The following OPCML variants were observed in gnomAD, a reference collection of about 807,000 sequenced individuals.
OPCML encodes the protein opioid-binding protein/cell adhesion molecule.
Under a neutral mutation model 37.8 loss-of-function variants are expected in OPCML, and 13 were observed. That is an observed-to-expected ratio of 0.34 (90% CI 0.22 to 0.55). The LOEUF (loss-of-function observed/expected upper bound fraction) is 0.55, where lower values mean the gene tolerates loss of function less well. Among genes scored for constraint, OPCML ranks in the 20% least tolerant of loss-of-function variants. OPCML has a pLI of 0.91. For synonymous variants in OPCML, 176 were observed against 168.8 expected (o/e 1.04, Z -0.33); for missense variants, 341 against 435.6 (o/e 0.78, Z 1.93).
intron 4 of OPCML, among the ~76,000 whole-genome samples, chr11:132,503,625 TATCTC>T (rs2096250355): frequency 6.6e-6 from 1 of 152,200 alleles, no homozygotes; most frequent in East Asian, 1.9e-4. Flanking sequence ...TTATTTATAA[TATCTC>T]AATAAGTGAG....
intron 1 of OPCML, among the ~76,000 whole-genome samples, chr11:133,018,307 A>G (rs1052110143): frequency 6.6e-6 from 1 of 152,224 alleles, no homozygotes; most frequent in Non-Finnish European, 1.5e-5. Flanking sequence ...GAAGATAGAA[A>G]GTGCAGTATA....
At chr11:132,861,369 A>G (rs903295521) in intron 2 of OPCML, among the ~76,000 whole-genome samples, 1 of 152,232 alleles carries the variant, frequency 6.6e-6, no homozygotes, top group Non-Finnish European at 1.5e-5. Flanking sequence ...AAACAGGAAA[A>G]TAACTCCTAT....
At chr11:133,467,914 G>C (rs966839076) in intron 1 of OPCML, among the ~76,000 whole-genome samples, 3 of 152,152 alleles carry the variant, frequency 2.0e-5, no homozygotes, top group Non-Finnish European at 4.4e-5. Context: ...TATCACAATA[G>C]ATCATTTGTA....
chr11:132,822,377 T>C (rs1940047807), intron 2 of OPCML, among the ~76,000 whole-genome samples: 1 of 152,064 alleles, frequency 6.6e-6, no homozygotes. Flanking sequence ...CTTCTAGAAA[T>C]AGATGCAAAA....
At chr11:132,521,854 T>A (rs901921731) in intron 4 of OPCML, among the ~76,000 whole-genome samples, 1 of 152,246 alleles carries the variant, frequency 6.6e-6, no homozygotes, top group East Asian at 1.9e-4. Flanking sequence ...AGTTTTTGCA[T>A]GTACTTATTT....
chr11:133,092,964 A>G (rs1346977), intron 1 of OPCML, among the ~76,000 whole-genome samples: 67,012 of 152,006 alleles, frequency 0.44, 17,162 homozygotes, highest in Admixed American at 0.57. Flanking sequence ...AGAGATATCC[A>G]GTGTTCATCT....
chr11:133,124,605 T>G (rs148441327), intron 1 of OPCML, among the ~76,000 whole-genome samples: 88 of 152,246 alleles, frequency 5.8e-4, no homozygotes, highest in Middle Eastern at 3.4e-3. Context: ...AGAGCCCCAC[T>G]GCAGAGCCCA....
chr11:132,779,080 G>T (rs912637436), intron 2 of OPCML, among the ~76,000 whole-genome samples: 2 of 145,666 alleles, frequency 1.4e-5, no homozygotes, highest in Non-Finnish European at 3.0e-5. Flanking sequence ...TGATTCTTGT[G>T]CCTCAGCCTC....
chr11:133,501,666 T>C (rs998601541), intron 1 of OPCML, among the ~76,000 whole-genome samples: 36 of 152,052 alleles, frequency 2.4e-4, no homozygotes, highest in African/African-American at 8.7e-4. Flanking sequence ...TGCAGGTTAC[T>C]GTGAGGGGAG....
At chr11:133,107,961 T>C (rs1238173592) in intron 1 of OPCML, among the ~76,000 whole-genome samples, 1 of 152,218 alleles carries the variant, frequency 6.6e-6, no homozygotes, top group South Asian at 2.1e-4. Flanking sequence ...TTGGGATGAC[T>C]ACCTCTTTTT....
At chr11:133,072,691 T>A (rs1948557105) in intron 1 of OPCML, among the ~76,000 whole-genome samples, 1 of 152,182 alleles carries the variant, frequency 6.6e-6, no homozygotes, top group African/African-American at 2.4e-5. Flanking sequence ...ATGAGTGCAG[T>A]GCTGGTCTAG....
chr11:133,234,266 A>C (rs373624616), intron 1 of OPCML, among the ~76,000 whole-genome samples: 6,503 of 151,742 alleles, frequency 0.043, 170 homozygotes, highest in Middle Eastern at 0.095. Flanking sequence ...ACAACAACAA[A>C]AAAAAAACAC....
intron 1 of OPCML, among the ~76,000 whole-genome samples, chr11:133,319,311 C>A (rs767082554): frequency 2.0e-5 from 3 of 152,180 alleles, no homozygotes; most frequent in African/African-American, 4.8e-5. Flanking sequence ...ATCAGAGCAT[C>A]TTTTCTCCCC....
intron 1 of OPCML, among the ~76,000 whole-genome samples, chr11:133,142,627 C>T (rs1949839529): frequency 6.6e-6 from 1 of 152,160 alleles, no homozygotes; most frequent in Non-Finnish European, 1.5e-5. Flanking sequence ...CAGTACATAG[C>T]ACACAGTAGG....
At chr11:132,883,272 TAA>T (rs34832931) in intron 2 of OPCML, among the ~76,000 whole-genome samples, 14 of 145,282 alleles carry the variant, frequency 9.6e-5, no homozygotes, top group Middle Eastern at 3.4e-3. Context: ...ATGCCTACTT[TAA>T]AAAAAAAAAA....
In OPCML at chr11:133,226,298, G is replaced by A. The variant is rs547163720; in HGVS notation, c.62-283288C>T. Among the ~76,000 whole-genome samples the A allele has an allele frequency of 9.1e-4, 139 of 152,364 alleles. 1 individual carries two copies. The highest frequency in any genetic ancestry group is 3.2e-3 in the African/African-American group (135 of 41,582). ...CTCATTTTTGGCTCTTGCCCTCATGGAGCTATAATCTGTGGTTCTAAAAAT... is the reference window on the plus strand; with the variant it reads ...CTCATTTTTGGCTCTTGCCCTCATGAAGCTATAATCTGTGGTTCTAAAAAT... On this transcript the variant is annotated intron_variant, in intron 1 of 7. Coordinates refer to ENST00000524381, the MANE Select transcript of OPCML (RefSeq NM_001012393.5).
intron 3 of OPCML, among the ~76,000 whole-genome samples, chr11:132,565,014 C>A (rs941107987): frequency 6.6e-6 from 1 of 152,120 alleles, no homozygotes; most frequent in African/African-American, 2.4e-5. Context: ...GGTGACAGTC[C>A]AACAAGAAGA....
intron 3 of OPCML, among the ~76,000 whole-genome samples, chr11:132,571,871 A>T (rs886115634): frequency 2.6e-4 from 40 of 152,118 alleles, no homozygotes; most frequent in African/African-American, 9.4e-4. Flanking sequence ...CAGCTGTACC[A>T]TTTTGCATTC....
chr11:133,439,677 C>T (rs549437109), intron 1 of OPCML, among the ~76,000 whole-genome samples: 14 of 150,000 alleles, frequency 9.3e-5, no homozygotes, highest in Non-Finnish European at 1.5e-4. Flanking sequence ...CCGTTTTAGC[C>T]AGGATGGTCT....
Sources: gnomAD v4.1 joint callset for allele counts (sites outside exome capture counted in the v4.1 genomes callset) on GRCh38, gnomAD v4.1.1 for gene constraint, MANE v1.5 for transcripts, NCBI Gene and HGNC (gene_info 2026-07-23, HGNC 2026-07-21) for gene names.